SND1: variants seen among roughly 807,000 people sequenced by gnomAD.
SND1 encodes staphylococcal nuclease domain-containing protein 1.
Under a neutral mutation model 121.7 loss-of-function variants are expected in SND1, and 38 were observed. The ratio of observed to expected loss-of-function variants is 0.31; its 90% CI spans 0.24 to 0.41. The LOEUF is 0.41. SND1 is among the 10% of genes least tolerant of loss of function. The pLI, the probability that SND1 is intolerant of heterozygous loss-of-function variation, is 1.00. For synonymous variants in SND1, 401 were observed against 447.4 expected, an observed-to-expected ratio of 0.90 and a Z score of 1.31; for missense variants, 868 against 1,184.6, an observed-to-expected ratio of 0.73 and a Z score of 3.92.
intron 13 of SND1, among the ~76,000 whole-genome samples, chr7:127,896,422 T>A (rs1003552084): frequency 4.6e-5 from 7 of 152,152 alleles, no homozygotes; most frequent in Admixed American, 6.6e-5. Flanking sequence ...CCTAAACCAG[T>A]GGCTCTCAGA....
At chr7:127,749,833 G>A (rs542521464) in intron 10 of SND1, among the ~76,000 whole-genome samples, 2 of 152,342 alleles carry the variant, frequency 1.3e-5, no homozygotes, top group Admixed American at 6.5e-5. Context: ...GAATCTGGGT[G>A]CAGTGGCTCA....
At chr7:127,740,145 C>A (rs1796854008) in intron 10 of SND1, among the ~76,000 whole-genome samples, 1 of 152,190 alleles carries the variant, frequency 6.6e-6, no homozygotes, top group South Asian at 2.1e-4. Flanking sequence ...CAGGGCAAAA[C>A]AGTTTTCTGT....
intron 13 of SND1, among the ~76,000 whole-genome samples, chr7:127,899,507 T>C (rs1350421433): frequency 6.6e-6 from 1 of 152,058 alleles, no homozygotes; most frequent in Non-Finnish European, 1.5e-5. Flanking sequence ...GTAGGGGGCA[T>C]GAAGAAAATG....
At chr7:127,732,976 A>C (rs1414369719) in intron 10 of SND1, among the ~76,000 whole-genome samples, 1 of 152,200 alleles carries the variant, frequency 6.6e-6, no homozygotes, top group Non-Finnish European at 1.5e-5. Flanking sequence ...AGAGACTGTA[A>C]GATTTACTTC....
chr7:127,975,514 A>C (rs1472516697), intron 15 of SND1, among the ~76,000 whole-genome samples: 1 of 151,922 alleles, frequency 6.6e-6, no homozygotes, highest in Non-Finnish European at 1.5e-5. Flanking sequence ...ATCAGAGTAA[A>C]AGGCTTCAGC....
chr7:128,082,681 T>C (rs142941801), intron 18 of SND1, among the ~76,000 whole-genome samples: 2,286 of 152,120 alleles, frequency 0.015, 20 homozygotes, highest in Non-Finnish European at 0.024. Context: ...GGCTGGGTCA[T>C]GTGACAGGGA....
At chr7:128,000,120 T>C (rs1584728350) in intron 16 of SND1, 1 of 145,752 alleles carries the variant, frequency 6.9e-6, no homozygotes, top group South Asian at 2.2e-4. Context: ...ATATTTTTAA[T>C]AACAAAGGGC....
chr7:127,995,977 T>C (rs1201113604), intron 16 of SND1, among the ~76,000 whole-genome samples: 1 of 152,144 alleles, frequency 6.6e-6, no homozygotes, highest in African/African-American at 2.4e-5. Flanking sequence ...AATGATGTCC[T>C]CATGCTGGAC....
intron 12 of SND1, among the ~76,000 whole-genome samples, chr7:127,885,523 G>A (rs1053043238): frequency 6.6e-6 from 1 of 152,070 alleles, no homozygotes; most frequent in African/African-American, 2.4e-5. Flanking sequence ...TAAGGCCTCA[G>A]GAACTCCATA....
chr7:127,825,602 T>C (rs534213283), intron 11 of SND1, among the ~76,000 whole-genome samples: 21 of 151,890 alleles, frequency 1.4e-4, no homozygotes, highest in Middle Eastern at 6.8e-3. Context: ...AGACGGGATT[T>C]CGCCATGTTG....
intron 3 of SND1, among the ~76,000 whole-genome samples, chr7:127,695,719 G>A (rs1442800800): frequency 2.0e-5 from 3 of 152,120 alleles, no homozygotes; most frequent in Admixed American, 1.3e-4. Context: ...GTAGCTACTC[G>A]GGAGGCTGAG....
intron 9 of SND1, among the ~76,000 whole-genome samples, chr7:127,717,891 C>T (rs182132070): frequency 6.6e-5 from 10 of 152,092 alleles, no homozygotes; most frequent in African/African-American, 1.9e-4. Context: ...AACAGCAGCC[C>T]GTTGCACCCA....
rs552426263 is a variant in SND1 at position 128,084,805 on chromosome 7, G to T, written c.2192G>T (p.Arg731Leu). ...CCTGTAGAGGGCTCCTATGCCCCCC[G>T]CAGGGGAGAGTTCTGCATTGCCAAA... Reference protein sequence around the residue: ...HPPVEGSYAPRRGEFCIAKFV... With the variant: ...HPPVEGSYAPLRGEFCIAKFV... The change falls in exon 19 of 24, where the codon CGC becomes CTC. Residue 731 changes from arginine (R) to leucine (L), a missense_variant. Arg to Leu is a moderately radical substitution (Grantham distance 102). Transcript: ENST00000354725. 6.2e-7 allele frequency: 1 copy of T among 1,607,100 alleles called. No homozygotes were observed. Among genetic ancestry groups the T allele is most frequent in the Non-Finnish European group, 8.5e-7 (1 of 1,175,240 alleles).
intron 10 of SND1, among the ~76,000 whole-genome samples, chr7:127,770,078 G>A (rs571386510): frequency 7.9e-5 from 12 of 152,260 alleles, no homozygotes; most frequent in African/African-American, 1.4e-4. Flanking sequence ...GCCACTCACC[G>A]TCACCGGTGT....
At chr7:127,920,509 G>C (rs1311122316) in intron 14 of SND1, among the ~76,000 whole-genome samples, 1 of 152,174 alleles carries the variant, frequency 6.6e-6, no homozygotes, top group Non-Finnish European at 1.5e-5. Context: ...ACAAAAAATT[G>C]TAAGACTAGT....
intron 8 of SND1, among the ~76,000 whole-genome samples, chr7:127,706,984 T>C (rs1796212610): frequency 6.6e-6 from 1 of 152,234 alleles, no homozygotes; most frequent in African/African-American, 2.4e-5. Context: ...ATATTCCATT[T>C]CCTACTCATA....
chr7:127,715,675 C>T (rs1301871068), intron 9 of SND1, among the ~76,000 whole-genome samples: 1 of 152,106 alleles, frequency 6.6e-6, no homozygotes, highest in African/African-American at 2.4e-5. Flanking sequence ...AATATTTTCT[C>T]CTATTTTGTC....
At chr7:128,028,873 C>G (rs1792483042) in intron 16 of SND1, 2 of 1,614,086 alleles carry the variant, frequency 1.2e-6, no homozygotes, top group African/African-American at 1.3e-5. Flanking sequence ...TCACCTGATA[C>G]ACCGGACGGA....
intron 10 of SND1, 50 bp downstream of exon 10, chr7:127,721,450 A>G: frequency 9.5e-7 from 1 of 1,056,276 alleles, no homozygotes; most frequent in Non-Finnish European, 1.5e-6. Flanking sequence ...AAAAGGAAGA[A>G]GTTGGAGAAT....
Sources: allele counts gnomAD v4.1 joint callset (sites outside exome capture counted in the v4.1 genomes callset), GRCh38; gene constraint gnomAD v4.1.1; transcripts MANE v1.5; gene names NCBI Gene and HGNC (gene_info 2026-07-23, HGNC 2026-07-21).